PRAG1: variants seen among roughly 807,000 people sequenced by gnomAD.
PRAG1 encodes the protein PEAK1 related, kinase-activating pseudokinase 1, also known as inactive tyrosine-protein kinase PRAG1.
A neutral mutation model predicts 95.6 loss-of-function variants in PRAG1; 110 were observed. The ratio of observed to expected loss-of-function variants is 1.15; its 90% CI spans 0.99 to 1.35. The LOEUF (loss-of-function observed/expected upper bound fraction) is 1.35, where lower values mean the gene tolerates loss of function less well. PRAG1 is among the 40% of genes most tolerant of loss of function. PRAG1 has a pLI of 0.00. For synonymous variants in PRAG1, 1,052 were observed against 819.4 expected, an observed-to-expected ratio of 1.28 and a Z score of -4.85; for missense variants, 2,554 against 1,864.7, an observed-to-expected ratio of 1.37 and a Z score of -6.81.
At chr8:8,367,854 G>A (rs1488076265) in intron 3 of PRAG1, among the ~76,000 whole-genome samples, 1 of 152,044 alleles carries the variant, frequency 6.6e-6, no homozygotes, top group East Asian at 1.9e-4. Context: ...CGTTAGCCAG[G>A]ATGGTCTCAA....
chr8:8,319,593 A>C (rs905968101), intron 5 of PRAG1, among the ~76,000 whole-genome samples: 2 of 152,220 alleles, frequency 1.3e-5, no homozygotes, highest in Non-Finnish European at 2.9e-5. Context: ...ACCATTAAGA[A>C]AGTGGAAAGA....
In PRAG1 at chr8:8,318,848, G is replaced by A. The variant is rs1338471735; in HGVS notation, c.3527C>T (p.Ala1176Val). The change falls in exon 6 of 6, where the codon GCC becomes GTC. Residue 1176 changes from alanine (A) to valine (V), a missense_variant. By Grantham distance (64) the Ala-to-Val change is moderately conservative. Transcript: ENST00000615670. This position sits in a 1 kb window ranked among gnomAD's most constrained non-coding sequence, Gnocchi z 4.2. ...PAPAPAPAPA[A>V]AAPPCSSAAP... The stretch of plus-strand genomic sequence containing the variant: ...GGCAGAGGAGCAGGGAGGCGCGGCG[G>A]CGGCGGGGGCGGGAGCCGGGGCGGG... 11 of 1,261,928 alleles carry A rather than the reference G, an allele frequency of 8.7e-6. No individual in the cohort carries two copies. Among genetic ancestry groups the A allele is most frequent in the South Asian group, 2.6e-5 (1 of 38,784 alleles). 78.2% of individuals were successfully genotyped at this position (1,261,928 alleles called of 1,614,324 possible).
At chr8:8,339,416 G>A (rs762835549) in intron 4 of PRAG1, 62 bp downstream of exon 4, 192 of 1,569,370 alleles carry the variant, frequency 1.2e-4, no homozygotes, top group Middle Eastern at 2.2e-4. Flanking sequence ...CGCAAGCAAC[G>A]CAGGACTGGT....
intron 4 of PRAG1, among the ~76,000 whole-genome samples, chr8:8,337,654 A>C (rs2945910): frequency 0.34 from 51,607 of 151,988 alleles, 9,377 homozygotes; most frequent in African/African-American, 0.47. Context: ...TGGGAGTCTA[A>C]GTTTTGAAAT....
At chr8:8,385,102 T>C (rs1317858530) in intron 1 of PRAG1, among the ~76,000 whole-genome samples, 1 of 152,198 alleles carries the variant, frequency 6.6e-6, no homozygotes, top group African/African-American at 2.4e-5. Flanking sequence ...TGCTTATGCC[T>C]TATTCTGAAG....
At position 8,377,281 on chromosome 8, in the gene PRAG1, C is replaced by A. The variant is rs758449313; in HGVS notation, c.1128G>T (p.Lys376Asn). 15 of 1,612,878 alleles carry A rather than the reference C, an allele frequency of 9.3e-6. No individual in the cohort carries two copies. In the South Asian group the frequency reaches 1.6e-4, roughly 18 times the overall value. Residue 376 changes from lysine to asparagine, a missense_variant, in exon 3 of 6, where the codon AAG (lysine) becomes AAT (asparagine). Coordinates refer to ENST00000615670, the MANE Select transcript of PRAG1 (RefSeq NM_001080826.3). Reference protein sequence around the residue: ...CSLMKEPAPEKQQDPGCPGVT... With the variant: ...CSLMKEPAPENQQDPGCPGVT... ...CCCCTGGGCAGCCAGGGTCCTGCTGCTTCTCTGGGGCAGGTTCCTTCATGA... is the reference window on the plus strand; with the variant it reads ...CCCCTGGGCAGCCAGGGTCCTGCTGATTCTCTGGGGCAGGTTCCTTCATGA...
chr8:8,354,376 C>T (rs1329212309), intron 3 of PRAG1, among the ~76,000 whole-genome samples: 1 of 148,428 alleles, frequency 6.7e-6, no homozygotes, highest in Admixed American at 6.6e-5. Context: ...TTCTTAAATT[C>T]TTCCAAAAAA....
intron 5 of PRAG1, 21 bp from the exon 6 acceptor site, chr8:8,319,323 G>C (rs765425823): frequency 6.7e-7 from 1 of 1,488,004 alleles, no homozygotes; most frequent in East Asian, 2.4e-5. Context: ...AAGAAGAAGT[G>C]AAATCAAGAG....
At chr8:8,325,546 C>T (rs1488789092) in intron 5 of PRAG1, among the ~76,000 whole-genome samples, 3 of 152,134 alleles carry the variant, frequency 2.0e-5, no homozygotes, top group Admixed American at 6.5e-5. Context: ...TTAGAGAATA[C>T]GGCTAATTCT....
At chr8:8,336,681 A>G (rs1326782722) in intron 4 of PRAG1, among the ~76,000 whole-genome samples, 1 of 152,146 alleles carries the variant, frequency 6.6e-6, no homozygotes, top group African/African-American at 2.4e-5. Flanking sequence ...TTTTCCTTAT[A>G]CAACTAAAAC....
At chr8:8,353,667 G>T (rs550374129) in intron 3 of PRAG1, among the ~76,000 whole-genome samples, 5 of 152,046 alleles carry the variant, frequency 3.3e-5, no homozygotes, top group African/African-American at 1.2e-4. Context: ...ACAAAACCAC[G>T]TGTGGCGCTT....
At chr8:8,359,265 T>C (rs527862783) in intron 3 of PRAG1, among the ~76,000 whole-genome samples, 23 of 152,304 alleles carry the variant, frequency 1.5e-4, no homozygotes, top group African/African-American at 5.5e-4. Context: ...AAAAGGAGAA[T>C]TTTTTCTGAA....
At chr8:8,384,202 GCCT>G (rs1800774393) in intron 1 of PRAG1, among the ~76,000 whole-genome samples, 1 of 152,086 alleles carries the variant, frequency 6.6e-6, no homozygotes, top group African/African-American at 2.4e-5. Flanking sequence ...GCGACTTATT[GCCT>G]CCTCAACAGG....
chr8:8,382,691 G>C (rs959297830), intron 1 of PRAG1, among the ~76,000 whole-genome samples: 1 of 152,234 alleles, frequency 6.6e-6, no homozygotes, highest in African/African-American at 2.4e-5. Context: ...AAAACTGCAA[G>C]TAACAGTTTG....
chr8:8,382,130 G>C (rs936042572), intron 1 of PRAG1, among the ~76,000 whole-genome samples: 1 of 152,138 alleles, frequency 6.6e-6, no homozygotes, highest in African/African-American at 2.4e-5. Context: ...AATCCTGGGA[G>C]GTTTTGGGCA....
At chr8:8,345,412 A>G (rs181557814) in intron 3 of PRAG1, among the ~76,000 whole-genome samples, 13 of 152,066 alleles carry the variant, frequency 8.5e-5, no homozygotes, top group African/African-American at 3.1e-4. Flanking sequence ...AAAATCAGAA[A>G]TCAGTAGGCA....
chr8:8,376,906 C>T lies in PRAG1; in HGVS notation c.1503G>A (p.Trp501Ter). ...SSPDSAVGVQ[W>*]PRGPVSQNSE... is the part of the protein sequence containing the mutation. ...AGTTCTGGCTCACAGGCCCTCGTGG[C>T]CACTGCACCCCCACTGCAGAGTCAG... Residue 501 changes from tryptophan (W) to a stop codon, truncating the protein, a stop_gained, in exon 3 of 6, where the codon TGG becomes TGA. Transcript: ENST00000615670. LOFTEE classifies it high-confidence loss of function. 6.2e-7 allele frequency: 1 copy of T among 1,613,348 alleles called. No individual in the cohort carries two copies. The highest frequency in any genetic ancestry group is 8.5e-7 in the Non-Finnish European group (1 of 1,180,028).
chr8:8,339,929 A>G (rs914582532), intron 3 of PRAG1, among the ~76,000 whole-genome samples: 1 of 152,242 alleles, frequency 6.6e-6, no homozygotes, highest in Non-Finnish European at 1.5e-5. Context: ...CCCATCTGCC[A>G]AAACAGTTGT....
At position 8,318,845 on chromosome 8, in the gene PRAG1, GC is replaced by G; in HGVS notation, c.3529del (p.Ala1177ProfsTer42). On this transcript the variant is annotated frameshift_variant, in exon 6 of 6. Coordinates refer to ENST00000615670, the MANE Select transcript of PRAG1 (RefSeq NM_001080826.3). LOFTEE classifies it high-confidence loss of function. The surrounding 1 kb of genome is among the most constrained non-coding windows in gnomAD (Gnocchi z 4.2). ...APAPAPAPAAAAPPCSSAAPP... is the reference protein window; with the variant it reads ...APAPAPAPAAXAPPCSSAAPP... ...GGCGGCAGAGGAGCAGGGAGGCGCG[GC>G]GGCGGCGGGGGCGGGAGCCGGGGCG... The G allele has an allele frequency of 1.6e-6, 2 of 1,270,082 alleles. No homozygotes were observed. Among genetic ancestry groups the G allele is most frequent in the South Asian group, 5.0e-5 (2 of 40,140 alleles). 78.7% of individuals were successfully genotyped at this position (1,270,082 alleles called of 1,614,324 possible). A position where few individuals can be genotyped will look rare whatever the true frequency, so the allele number is the denominator to read the frequency against.
Sources: gnomAD v4.1 joint callset for allele counts (sites outside exome capture counted in the v4.1 genomes callset) on GRCh38, gnomAD v4.1.1 for gene constraint, Gnocchi (gnomAD v3.1) non-coding constraint, MANE v1.5 for transcripts, NCBI Gene and HGNC (gene_info 2026-07-23, HGNC 2026-07-21) for gene names.